LARGE1: variants seen among roughly 807,000 people sequenced by gnomAD.
LARGE1 encodes the protein xylosyl- and glucuronyltransferase LARGE1.
In LARGE1, 43 loss-of-function variants were observed where a neutral mutation model predicts 87.6. The observed-to-expected ratio is 0.49, with a 90% CI of 0.38 to 0.63. The LOEUF is 0.63. Ranked by LOEUF, LARGE1 falls within the 30% of genes least tolerant of loss-of-function variation. LARGE1 has a pLI of 0.00. For missense variants in LARGE1, 802 were observed against 1,000.2 expected (o/e 0.80, Z 2.67); for synonymous variants, 434 against 394.6 (o/e 1.10, Z -1.18).
At chr22:33,244,227 C>T (rs1446884779) in intron 11 of LARGE1, among the ~76,000 whole-genome samples, 1 of 151,950 alleles carries the variant, frequency 6.6e-6, no homozygotes, top group Non-Finnish European at 1.5e-5. Flanking sequence ...GATCTCCTGA[C>T]CTCGTGATCC....
At chr22:33,268,649 G>C (rs189880870), downstream of LARGE1, among the ~76,000 whole-genome samples, 1 of 151,356 alleles carries the variant, frequency 6.6e-6, no homozygotes, top group Non-Finnish European at 1.5e-5. Flanking sequence ...GGATGGTCTC[G>C]ATCTCCTGAC....
intron 1 of LARGE1, among the ~76,000 whole-genome samples, chr22:33,834,148 A>G (rs989075122): frequency 6.6e-6 from 1 of 152,198 alleles, no homozygotes; most frequent in Non-Finnish European, 1.5e-5. Context: ...TTTGTTTAGC[A>G]TCTATTATGT....
At chr22:33,717,893 C>T (rs1338839223) in intron 2 of LARGE1, among the ~76,000 whole-genome samples, 1 of 152,198 alleles carries the variant, frequency 6.6e-6, no homozygotes, top group African/African-American at 2.4e-5. Context: ...GCCAGGCCTG[C>T]CCAGACCAGT....
At chr22:33,130,313 C>CAAAAAAAAAAAA in the LARGE1 span, among the ~76,000 whole-genome samples, 42 of 56,998 alleles carry the variant, frequency 7.4e-4, 1 homozygote, top group African/African-American at 2.7e-3. Flanking sequence ...GATTCCGTCT[C>CAAAAAAAAAAAA]AAAAAAAAAA....
At chr22:33,844,648 C>A (rs1474581579) in intron 1 of LARGE1, among the ~76,000 whole-genome samples, 2 of 151,686 alleles carry the variant, frequency 1.3e-5, no homozygotes, top group African/African-American at 4.8e-5. Context: ...GCCTACCGTG[C>A]GAACTTGGGT....
intron 6 of LARGE1, among the ~76,000 whole-genome samples, chr22:33,480,424 CT>C (rs2069268603): frequency 6.8e-6 from 1 of 147,490 alleles, no homozygotes; most frequent in Non-Finnish European, 1.5e-5. Context: ...CGGGTATAAT[CT>C]CCTGCTCATT....
At chr22:33,271,917 T>C (rs1475445518), downstream of LARGE1, among the ~76,000 whole-genome samples, 1 of 152,248 alleles carries the variant, frequency 6.6e-6, no homozygotes, top group Non-Finnish European at 1.5e-5. Context: ...AAGTATCAGT[T>C]TCTGGCCTTA....
chr22:33,820,456 G>C (rs2146251790), intron 1 of LARGE1, among the ~76,000 whole-genome samples: 1 of 151,948 alleles, frequency 6.6e-6, no homozygotes, highest in Middle Eastern at 3.4e-3. Flanking sequence ...TGAGTACCTG[G>C]GACTACAAGC....
chr22:33,732,040 T>C (rs1011428535), intron 2 of LARGE1, among the ~76,000 whole-genome samples: 3 of 152,198 alleles, frequency 2.0e-5, no homozygotes, highest in Admixed American at 6.5e-5. Flanking sequence ...AATCACCTTA[T>C]CTATTATGCA....
At position 33,335,224 on chromosome 22, in the gene LARGE1, T is replaced by G. The variant is rs140022192; in HGVS notation, c.1287+2422A>C. On this transcript the variant is annotated intron_variant, in intron 10 of 14. Coordinates refer to ENST00000397394, the MANE Select transcript of LARGE1 (RefSeq NM_133642.5). ...ACATACTGATGTGAGCAAAGAGAACTGAAGGAAAAACTGAAAGAACAGTGT... is the reference window on the plus strand; with the variant it reads ...ACATACTGATGTGAGCAAAGAGAACGGAAGGAAAAACTGAAAGAACAGTGT... 2.5e-3 allele frequency among the ~76,000 whole-genome samples: 378 copies of G among 152,320 alleles called. 4 individuals carry two copies. The highest frequency in any genetic ancestry group is 8.1e-3 in the African/African-American group (335 of 41,574).
chr22:33,206,197 C>T (rs536786379), intron 11 of LARGE1, among the ~76,000 whole-genome samples: 76 of 152,184 alleles, frequency 5.0e-4, no homozygotes, highest in African/African-American at 1.8e-3. Context: ...ACCTCGTGAT[C>T]CACCTGCCTT....
intron 12 of LARGE1, among the ~76,000 whole-genome samples, chr22:33,294,664 C>T (rs1932984692): frequency 6.6e-6 from 1 of 152,202 alleles, no homozygotes; most frequent in African/African-American, 2.4e-5. Flanking sequence ...GGGACTGGTT[C>T]ATCCTAGACT....
the LARGE1 span, among the ~76,000 whole-genome samples, chr22:33,125,171 G>A: frequency 6.6e-6 from 1 of 152,196 alleles, no homozygotes; most frequent in Non-Finnish European, 1.5e-5. Context: ...AACTGGAGGT[G>A]CTTTCAGGAC....
At chr22:33,809,351 A>G (rs1205664922) in intron 1 of LARGE1, among the ~76,000 whole-genome samples, 2 of 152,096 alleles carry the variant, frequency 1.3e-5, no homozygotes, top group Admixed American at 6.5e-5. Context: ...ATTTATACTT[A>G]TGAACATACA....
chr22:33,223,821 T>A (rs1925577951), intron 11 of LARGE1, among the ~76,000 whole-genome samples: 1 of 152,210 alleles, frequency 6.6e-6, no homozygotes, highest in South Asian at 2.1e-4. Flanking sequence ...TACCAGACCC[T>A]TCCGCTTAGA....
At chr22:33,806,216 C>T (rs1263397436) in intron 1 of LARGE1, among the ~76,000 whole-genome samples, 1 of 152,116 alleles carries the variant, frequency 6.6e-6, no homozygotes, top group Non-Finnish European at 1.5e-5. Context: ...TATCTGACTT[C>T]TTTCTCTGCC....
chr22:33,075,138 A>G, the LARGE1 span, among the ~76,000 whole-genome samples: 1 of 152,178 alleles, frequency 6.6e-6, no homozygotes, highest in Admixed American at 6.5e-5. Flanking sequence ...AGCTAATTGG[A>G]TTCTTTACCA....
intron 2 of LARGE1, among the ~76,000 whole-genome samples, chr22:33,731,757 G>C (rs1185049988): frequency 4.6e-5 from 7 of 152,148 alleles, no homozygotes; most frequent in Non-Finnish European, 1.5e-5. Flanking sequence ...GGAAACAGAG[G>C]TGATGGATTA....
At chr22:33,836,799 A>G (rs2063120340) in intron 1 of LARGE1, among the ~76,000 whole-genome samples, 1 of 144,196 alleles carries the variant, frequency 6.9e-6, no homozygotes, top group Admixed American at 6.9e-5. Context: ...CCTTACTGGA[A>G]AAAAAAAAAA....
Sources: allele counts gnomAD v4.1 joint callset (sites outside exome capture counted in the v4.1 genomes callset), GRCh38; gene constraint gnomAD v4.1.1; transcripts MANE v1.5; gene names NCBI Gene and HGNC (gene_info 2026-07-23, HGNC 2026-07-21).